Variants in GRK3 observed in about 807,000 individuals in gnomAD.
GRK3 encodes the protein adrenergic, beta, receptor kinase 2.
Under a neutral mutation model 95.7 loss-of-function variants are expected in GRK3, and 54 were observed. The ratio of observed to expected loss-of-function variants is 0.56; its 90% CI spans 0.45 to 0.71. GRK3 has a LOEUF of 0.71. GRK3 is among the 30% of genes least tolerant of loss of function. The pLI, the probability that GRK3 is intolerant of heterozygous loss-of-function variation, is 0.00. For synonymous variants in GRK3, 281 were observed against 290.8 expected, an observed-to-expected ratio of 0.97 and a Z score of 0.34; for missense variants, 649 against 851.2, an observed-to-expected ratio of 0.76 and a Z score of 2.96.
intron 2 of GRK3, among the ~76,000 whole-genome samples, chr22:25,625,618 T>C (rs866351589): frequency 1.3e-5 from 2 of 152,198 alleles, no homozygotes; most frequent in Non-Finnish European, 2.9e-5. Flanking sequence ...GTGGAGGGCC[T>C]GACATCAGTC....
At chr22:25,663,603 T>G in intron 4 of GRK3, 27 bp from the exon 5 acceptor site, 1 of 1,508,332 alleles carries the variant, frequency 6.6e-7, no homozygotes, top group Non-Finnish European at 9.1e-7. Context: ...TTTTATTATT[T>G]AAAAATATTA....
At chr22:25,621,227 A>T (rs763167237) in intron 2 of GRK3, among the ~76,000 whole-genome samples, 11 of 152,238 alleles carry the variant, frequency 7.2e-5, no homozygotes, top group Admixed American at 2.6e-4. Flanking sequence ...GGTAATTTCC[A>T]TCTAAAATTT....
chr22:25,720,467 CTTTTT>C (rs963248407), intron 19 of GRK3, among the ~76,000 whole-genome samples: 1 of 102,574 alleles, frequency 9.7e-6, no homozygotes, highest in African/African-American at 3.9e-5. Flanking sequence ...ATACTATAGA[CTTTTT>C]TTTTTTTTTT....
chr22:25,641,993 C>G (rs1397255845), intron 2 of GRK3, among the ~76,000 whole-genome samples: 1 of 152,174 alleles, frequency 6.6e-6, no homozygotes, highest in Admixed American at 6.5e-5. Context: ...GATCAAAATA[C>G]TTAAGTTCAA....
chr22:25,623,866 G>C (rs2084606521), intron 2 of GRK3, among the ~76,000 whole-genome samples: 1 of 152,270 alleles, frequency 6.6e-6, no homozygotes, highest in Admixed American at 6.5e-5. Context: ...CTTCCTAACT[G>C]GCTATCCTAT....
At chr22:25,691,167 A>G (rs1377690568) in intron 12 of GRK3, among the ~76,000 whole-genome samples, 1 of 152,176 alleles carries the variant, frequency 6.6e-6, no homozygotes, top group Admixed American at 6.6e-5. Context: ...GTATGAACAC[A>G]TGTACAGTTT....
chr22:25,623,221 T>A (rs529178819), intron 2 of GRK3, among the ~76,000 whole-genome samples: 16 of 152,270 alleles, frequency 1.1e-4, no homozygotes, highest in Admixed American at 2.0e-4. Flanking sequence ...GGATTATGGG[T>A]GTGAGCCACC....
At chr22:25,721,503 A>G (rs2085432055) in intron 20 of GRK3, 106 bp downstream of exon 20, 1 of 677,780 alleles carries the variant, frequency 1.5e-6, no homozygotes, top group African/African-American at 1.9e-5. Context: ...TATCACTTAC[A>G]AACTTAGTAA....
At chr22:25,657,909 C>T (rs1174355983) in intron 3 of GRK3, among the ~76,000 whole-genome samples, 1 of 152,040 alleles carries the variant, frequency 6.6e-6, no homozygotes. Flanking sequence ...AGATTGGATA[C>T]TTCCTGTGGA....
chr22:25,610,716 T>A (rs2084490310), intron 2 of GRK3, among the ~76,000 whole-genome samples: 1 of 152,252 alleles, frequency 6.6e-6, no homozygotes, highest in Non-Finnish European at 1.5e-5. Flanking sequence ...AATGGAATTA[T>A]ACGGTATAAA....
At position 25,564,927 on chromosome 22, in the gene GRK3, G is replaced by C. The variant is rs1318860938; in HGVS notation, c.-114G>C. 1 of 156,668 alleles carries C rather than the reference G, an allele frequency of 6.4e-6. No homozygotes were observed. Among genetic ancestry groups the C allele is most frequent in the African/African-American group, 2.5e-5 (1 of 40,304 alleles). 9.7% of individuals were successfully genotyped at this position (156,668 alleles called of 1,614,324 possible). On this transcript the variant is annotated 5_prime_UTR_variant, in exon 1 of 21. Coordinates refer to ENST00000324198, the MANE Select transcript of GRK3 (RefSeq NM_005160.4). ...GCGCGGGGCGGGGGCGCGCGGAGGG[G>C]GGGGCTGCCCCGGGGCGGCCCCCCC...
intron 3 of GRK3, among the ~76,000 whole-genome samples, chr22:25,659,452 G>A (rs2084895792): frequency 1.3e-5 from 2 of 152,180 alleles, no homozygotes; most frequent in East Asian, 1.9e-4. Flanking sequence ...TAGGCTTCCA[G>A]TTCACCTGGG....
chr22:25,579,887 T>C (rs997773317), intron 1 of GRK3, among the ~76,000 whole-genome samples: 4 of 152,186 alleles, frequency 2.6e-5, no homozygotes, highest in African/African-American at 9.7e-5. Context: ...GCAAAGATCA[T>C]CAATGTATGA....
At chr22:25,567,005 T>C (rs1169631511) in intron 1 of GRK3, among the ~76,000 whole-genome samples, 1 of 152,152 alleles carries the variant, frequency 6.6e-6, no homozygotes, top group Non-Finnish European at 1.5e-5. Flanking sequence ...GCTTTTTTAG[T>C]GTCCCTCTTA....
At chr22:25,676,477 G>A (rs1249252374) in intron 8 of GRK3, among the ~76,000 whole-genome samples, 2 of 152,108 alleles carry the variant, frequency 1.3e-5, no homozygotes, top group Non-Finnish European at 2.9e-5. Context: ...CGATCACGAG[G>A]TCAGGAGATC....
intron 1 of GRK3, among the ~76,000 whole-genome samples, chr22:25,566,908 G>T (rs991922898): frequency 2.3e-4 from 31 of 135,668 alleles, no homozygotes; most frequent in East Asian, 2.2e-3. Context: ...TTTTTTTTTT[G>T]GGGGGGGCTA....
chr22:25,584,690 A>G (rs904660169), intron 1 of GRK3, among the ~76,000 whole-genome samples: 2 of 152,284 alleles, frequency 1.3e-5, no homozygotes, highest in Non-Finnish European at 2.9e-5. Context: ...TGATAAATTT[A>G]ACTTTATCAT....
chr22:25,586,915 A>G (rs1932332609), intron 1 of GRK3, among the ~76,000 whole-genome samples: 1 of 90,250 alleles, frequency 1.1e-5, no homozygotes, highest in East Asian at 3.2e-4. Context: ...TTTTTTTGAG[A>G]TGGAGTCTCA....
At chr22:25,681,386 G>A (rs575525042) in intron 9 of GRK3, among the ~76,000 whole-genome samples, 6 of 152,288 alleles carry the variant, frequency 3.9e-5, no homozygotes, top group African/African-American at 1.4e-4. Context: ...GATGGGGTCA[G>A]CGAATGCCTT....
Sources: allele counts gnomAD v4.1 joint callset (sites outside exome capture counted in the v4.1 genomes callset), GRCh38; gene constraint gnomAD v4.1.1; transcripts MANE v1.5; gene names NCBI Gene and HGNC (gene_info 2026-07-23, HGNC 2026-07-21).